Variants in GPC6 observed in about 807,000 individuals in gnomAD.
GPC6 encodes glypican 6.
GPC6 carries 14 observed loss-of-function variants against 55.2 expected under a neutral mutation model. The ratio of observed to expected loss-of-function variants is 0.25; its 90% CI spans 0.17 to 0.40. The LOEUF (loss-of-function observed/expected upper bound fraction) is 0.40, where lower values mean the gene tolerates loss of function less well. Ranked by LOEUF, GPC6 falls within the 10% of genes least tolerant of loss-of-function variation. The pLI, the probability that GPC6 is intolerant of heterozygous loss-of-function variation, is 1.00. For missense variants in GPC6, 641 were observed against 708.5 expected, an observed-to-expected ratio of 0.90 and a Z score of 1.08; for synonymous variants, 278 against 259.6, an observed-to-expected ratio of 1.07 and a Z score of -0.68.
At chr13:93,455,177 C>A (rs1878402031) in intron 1 of GPC6, among the ~76,000 whole-genome samples, 1 of 152,200 alleles carries the variant, frequency 6.6e-6, no homozygotes, top group Admixed American at 6.5e-5. Flanking sequence ...CCCTCCACAC[C>A]TCCCTGCAAT....
chr13:93,602,158 A>G (rs1421720963), intron 2 of GPC6, among the ~76,000 whole-genome samples: 3 of 152,212 alleles, frequency 2.0e-5, no homozygotes, highest in African/African-American at 7.2e-5. Flanking sequence ...AATCATGATT[A>G]TACTCCTAGT....
At chr13:93,912,729 A>T (rs772032095) in intron 3 of GPC6, among the ~76,000 whole-genome samples, 69 of 152,278 alleles carry the variant, frequency 4.5e-4, no homozygotes, top group Admixed American at 1.2e-3. Flanking sequence ...GGCGACAGAT[A>T]GAGACTCCGT....
intron 1 of GPC6, among the ~76,000 whole-genome samples, chr13:93,394,088 C>T (rs1276992508): frequency 3.9e-5 from 6 of 152,178 alleles, no homozygotes; most frequent in Admixed American, 3.3e-4. Context: ...TTCCAAACAT[C>T]GAAATTGCTC....
intron 1 of GPC6, among the ~76,000 whole-genome samples, chr13:93,262,147 G>T (rs1216366073): frequency 6.6e-6 from 1 of 151,990 alleles, no homozygotes; most frequent in Non-Finnish European, 1.5e-5. Flanking sequence ...CACTCTCCTT[G>T]AAACATTTTC....
intron 1 of GPC6, among the ~76,000 whole-genome samples, chr13:93,491,876 C>T (rs1228805521): frequency 9.6e-6 from 1 of 103,930 alleles, no homozygotes; most frequent in Non-Finnish European, 2.1e-5. Context: ...CTCCATTGAT[C>T]TTTATCTCTG....
At chr13:94,296,653 C>G (rs1399634949) in intron 5 of GPC6, among the ~76,000 whole-genome samples, 1 of 152,174 alleles carries the variant, frequency 6.6e-6, no homozygotes, top group Non-Finnish European at 1.5e-5. Context: ...CCTCAGCCAG[C>G]CTACATGTAA....
chr13:94,018,284 G>A (rs987547218), intron 3 of GPC6, among the ~76,000 whole-genome samples: 1 of 150,882 alleles, frequency 6.6e-6, no homozygotes, highest in African/African-American at 2.4e-5. Flanking sequence ...TTAGTGTGTA[G>A]TATAATCCTT....
At chr13:93,566,323 T>G (rs1566427143) in intron 2 of GPC6, among the ~76,000 whole-genome samples, 2 of 152,206 alleles carry the variant, frequency 1.3e-5, no homozygotes, top group East Asian at 3.9e-4. Context: ...ACACACTGAA[T>G]ATTGTTAGTG....
At chr13:94,158,871 T>G (rs1888054713) in intron 4 of GPC6, among the ~76,000 whole-genome samples, 1 of 152,118 alleles carries the variant, frequency 6.6e-6, no homozygotes, top group Admixed American at 6.6e-5. Context: ...ACATAGCATA[T>G]GGCAGCTTTT....
intron 1 of GPC6, among the ~76,000 whole-genome samples, chr13:93,399,496 G>A (rs1261620113): frequency 6.6e-6 from 1 of 152,204 alleles, no homozygotes; most frequent in Non-Finnish European, 1.5e-5. Flanking sequence ...ATACAACACA[G>A]GAATTCACAT....
chr13:93,288,430 A>T (rs1372996844), intron 1 of GPC6, among the ~76,000 whole-genome samples: 1 of 152,186 alleles, frequency 6.6e-6, no homozygotes, highest in East Asian at 1.9e-4. Flanking sequence ...TAACATTAAC[A>T]TCTCCTCAAA....
At chr13:93,861,892 G>T (rs940908137) in intron 3 of GPC6, among the ~76,000 whole-genome samples, 1 of 151,622 alleles carries the variant, frequency 6.6e-6, no homozygotes, top group Non-Finnish European at 1.5e-5. Flanking sequence ...AGTGTCGGAA[G>T]GTTATGCTTG....
intron 2 of GPC6, among the ~76,000 whole-genome samples, chr13:93,557,753 A>G (rs1875559214): frequency 6.6e-6 from 1 of 152,224 alleles, no homozygotes; most frequent in South Asian, 2.1e-4. Context: ...TCCAAAACGT[A>G]TTCTGAAACT....
At chr13:93,584,629 G>A (rs974058055) in intron 2 of GPC6, among the ~76,000 whole-genome samples, 1 of 150,132 alleles carries the variant, frequency 6.7e-6, no homozygotes, top group African/African-American at 2.5e-5. Context: ...TAATCAAAAA[G>A]CTTGAAAATG....
intron 6 of GPC6, among the ~76,000 whole-genome samples, chr13:94,326,102 A>G (rs1404972731): frequency 6.6e-6 from 1 of 152,166 alleles, no homozygotes; most frequent in East Asian, 1.9e-4. Context: ...TCACTTTACC[A>G]GTGAGAACAC....
intron 1 of GPC6, among the ~76,000 whole-genome samples, chr13:93,513,251 C>G (rs1212570645): frequency 1.3e-5 from 2 of 152,192 alleles, no homozygotes; most frequent in African/African-American, 4.8e-5. Context: ...TTACTCTCAT[C>G]AATAGAATCA....
intron 2 of GPC6, among the ~76,000 whole-genome samples, chr13:93,621,989 A>C: frequency 6.6e-6 from 1 of 151,940 alleles, no homozygotes; most frequent in African/African-American, 2.4e-5. Context: ...TGTACCCATT[A>C]ACCAACCTCT....
chr13:94,033,503 T>C (rs1485285609), intron 4 of GPC6, among the ~76,000 whole-genome samples: 1 of 152,222 alleles, frequency 6.6e-6, no homozygotes, highest in Non-Finnish European at 1.5e-5. Flanking sequence ...ACATTTATTG[T>C]TTCTACTGAG....
At chr13:94,390,443 G>A (rs1446503783) in intron 7 of GPC6, among the ~76,000 whole-genome samples, 1 of 152,158 alleles carries the variant, frequency 6.6e-6, no homozygotes, top group African/African-American at 2.4e-5. Context: ...AGTTCCACAG[G>A]CTGTATAGGA....
Sources: gnomAD v4.1 joint callset for allele counts (sites outside exome capture counted in the v4.1 genomes callset) on GRCh38, gnomAD v4.1.1 for gene constraint, MANE v1.5 for transcripts, NCBI Gene and HGNC (gene_info 2026-07-23, HGNC 2026-07-21) for gene names.